Variants in GLIS3 observed in about 807,000 individuals in gnomAD.
GLIS3 encodes the protein zinc finger protein GLIS3.
In GLIS3, 53 loss-of-function variants were observed where a neutral mutation model predicts 78.6. The ratio of observed to expected loss-of-function variants is 0.67; its 90% CI spans 0.54 to 0.85. The LOEUF (loss-of-function observed/expected upper bound fraction) is 0.85. Ranked by LOEUF, GLIS3 falls within the 40% of genes least tolerant of loss-of-function variation. The probability of loss-of-function intolerance (pLI) is 0.00; values close to 1 mark genes in which losing one functional copy is unlikely to be tolerated. For missense variants in GLIS3, 1,703 were observed against 1,231.1 expected (o/e 1.38, Z -5.74); for synonymous variants, 684 against 509.9 (o/e 1.34, Z -4.60).
At chr9:4,150,033 C>T (rs540201032) in intron 2 of GLIS3, among the ~76,000 whole-genome samples, 6 of 145,102 alleles carry the variant, frequency 4.1e-5, no homozygotes, top group East Asian at 1.9e-4. Context: ...TGCGGGTGCA[C>T]GCATGCACAC....
At chr9:3,853,744 AAAAAG>A (rs1281258215) in intron 9 of GLIS3, among the ~76,000 whole-genome samples, 7 of 152,212 alleles carry the variant, frequency 4.6e-5, no homozygotes, top group Non-Finnish European at 1.0e-4. Flanking sequence ...TCTTTAGAGA[AAAAAG>A]AAGAAATCAC....
rs752946704 is a variant in GLIS3 at position 3,937,057 on chromosome 9, C to A, written c.1843G>T (p.Ala615Ser). ...TCCAGATGCGTCCGCTGGTGTTTGGCGCGGTCACTGGAGTTACTGAAGGCC... is the reference window on the plus strand; with the variant it reads ...TCCAGATGCGTCCGCTGGTGTTTGGAGCGGTCACTGGAGTTACTGAAGGCC... ...QKAFSNSSDR[A>S]KHQRTHLDTK... The change falls in exon 5 of 11, where the codon GCC becomes TCC. Residue 615 changes from alanine (A) to serine (S), a missense_variant. Physicochemically the swap from Ala to Ser is moderately conservative, Grantham distance 99. Coordinates refer to ENST00000381971, the MANE Select transcript of GLIS3 (RefSeq NM_001042413.2). 1.6e-5 allele frequency: 26 copies of A among 1,613,166 alleles called. No individual in the cohort carries two copies. Among genetic ancestry groups the A allele is most frequent in the Admixed American group, 1.7e-5 (1 of 59,994 alleles).
the GLIS3 span, among the ~76,000 whole-genome samples, chr9:4,488,462 G>C: frequency 6.6e-6 from 1 of 151,970 alleles, no homozygotes; most frequent in Non-Finnish European, 1.5e-5. Flanking sequence ...TTGGACATTT[G>C]CGTTTTTTCC....
intron 9 of GLIS3, among the ~76,000 whole-genome samples, chr9:3,842,103 G>C (rs1317490195): frequency 6.6e-6 from 1 of 152,198 alleles, no homozygotes; most frequent in Non-Finnish European, 1.5e-5. Context: ...ATTACTAAAA[G>C]GAAGTGCTGC....
At chr9:3,906,514 T>G (rs1339102843) in intron 6 of GLIS3, among the ~76,000 whole-genome samples, 3 of 152,154 alleles carry the variant, frequency 2.0e-5, no homozygotes, top group East Asian at 3.9e-4. Context: ...AGGAGCAGGT[T>G]GGAGGTAAAT....
At chr9:4,036,081 T>C (rs1205209222) in intron 4 of GLIS3, 11 of 152,222 alleles carry the variant, frequency 7.2e-5, no homozygotes, top group Non-Finnish European at 1.5e-4. Flanking sequence ...TTCAAGGTCA[T>C]CTTTAAGACC....
At chr9:4,339,412 G>A (rs190496516) in intron 2 of GLIS3, among the ~76,000 whole-genome samples, 335 of 152,264 alleles carry the variant, frequency 2.2e-3, no homozygotes, top group African/African-American at 7.8e-3. Context: ...TAAGTTAACT[G>A]AGAGTTTCGT....
chr9:4,248,105 ATACTTT>A (rs1376950543), intron 2 of GLIS3, among the ~76,000 whole-genome samples: 5 of 152,100 alleles, frequency 3.3e-5, no homozygotes, highest in African/African-American at 9.7e-5. Flanking sequence ...TTTTCTTATT[ATACTTT>A]AAGTTCTGGG....
chr9:4,434,416 C>G, the GLIS3 span, among the ~76,000 whole-genome samples: 1 of 151,940 alleles, frequency 6.6e-6, no homozygotes, highest in African/African-American at 2.4e-5. Context: ...TGTCTATGGG[C>G]TCAAAAAAAT....
chr9:4,440,598 C>T, the GLIS3 span, among the ~76,000 whole-genome samples: 3 of 152,194 alleles, frequency 2.0e-5, no homozygotes, highest in South Asian at 2.1e-4. Flanking sequence ...TAGTGTTACA[C>T]CTTTGTTCAG....
Position 3,826,826 on chromosome 9 carries a change from G to C in GLIS3, c.*1446C>G, listed in dbSNP as rs1817751082. The C allele has an allele frequency of 6.6e-6, 1 of 152,196 alleles. No homozygotes were observed. The highest frequency in any genetic ancestry group is 1.5e-5 in the Non-Finnish European group (1 of 68,038). The allele number at this position is 152,196 out of a possible 1,614,324, so 9.4% of individuals were successfully genotyped here. A position where few individuals can be genotyped will look rare whatever the true frequency, so the allele number is the denominator to read the frequency against. On this transcript the variant is annotated 3_prime_UTR_variant, in exon 11 of 11. Transcript: ENST00000381971. ...TTGTTCAGAAAAACATTTTTAAAAA[G>C]TGAGAAAAAATACTTGAAATATGAT...
At chr9:3,949,411 G>T (rs1349551051) in intron 4 of GLIS3, among the ~76,000 whole-genome samples, 1 of 152,190 alleles carries the variant, frequency 6.6e-6, no homozygotes, top group South Asian at 2.1e-4. Flanking sequence ...AGCCTGGGCT[G>T]CTGAGAAAAA....
rs540933150 is a variant in GLIS3 at position 4,295,987 on chromosome 9, A to G, written c.-99+3434T>C. On this transcript the variant is annotated intron_variant, in intron 1 of 10. Coordinates refer to ENST00000381971, the MANE Select transcript of GLIS3 (RefSeq NM_001042413.2). ...CTTTTTTCCCCAGTCCTGATAGTCT[A>G]TGAACCAACCAAACTTAGGGAAAAG... 4.2e-4 allele frequency among the ~76,000 whole-genome samples: 64 copies of G among 152,212 alleles called. 1 individual carries two copies. Among genetic ancestry groups the G allele is most frequent in the African/African-American group, 1.5e-3 (63 of 41,530 alleles).
intron 2 of GLIS3, among the ~76,000 whole-genome samples, chr9:4,324,999 C>T (rs756698323): frequency 1.2e-4 from 18 of 152,278 alleles, no homozygotes; most frequent in Middle Eastern, 3.4e-3. Flanking sequence ...TCCTCAACAA[C>T]GGCCTGGTGC....
chr9:3,940,634 A>G (rs893979022), intron 4 of GLIS3, among the ~76,000 whole-genome samples: 6 of 152,174 alleles, frequency 3.9e-5, no homozygotes, highest in African/African-American at 1.4e-4. Flanking sequence ...CAGGAAAACA[A>G]GAGAAACGTG....
intron 2 of GLIS3, among the ~76,000 whole-genome samples, chr9:4,266,107 A>T (rs1012285119): frequency 6.6e-6 from 1 of 151,744 alleles, no homozygotes; most frequent in African/African-American, 2.4e-5. Context: ...TTTAGTAGAG[A>T]CAAGGTTTCA....
the GLIS3 span, among the ~76,000 whole-genome samples, chr9:4,480,496 C>T: frequency 6.6e-6 from 1 of 152,176 alleles, no homozygotes; most frequent in African/African-American, 2.4e-5. Flanking sequence ...CCACCATGCC[C>T]AGCCAAGCTT....
chr9:3,891,607 C>A (rs1424309812), intron 7 of GLIS3, among the ~76,000 whole-genome samples: 2 of 152,094 alleles, frequency 1.3e-5, no homozygotes, highest in Non-Finnish European at 2.9e-5. Context: ...AAGGCTGAGG[C>A]AGGAGGATGA....
intron 2 of GLIS3, among the ~76,000 whole-genome samples, chr9:4,183,161 T>G (rs2131180897): frequency 6.6e-6 from 1 of 152,310 alleles, no homozygotes; most frequent in South Asian, 2.1e-4. Context: ...GAACAGTACA[T>G]GACTTCCATG....
Sources: allele counts gnomAD v4.1 joint callset (sites outside exome capture counted in the v4.1 genomes callset), GRCh38; gene constraint gnomAD v4.1.1; transcripts MANE v1.5; gene names NCBI Gene and HGNC (gene_info 2026-07-23, HGNC 2026-07-21).